The following SLC30A7 variants were observed in gnomAD, a reference collection of about 807,000 sequenced individuals.
SLC30A7 encodes the protein zinc transporter 7.
SLC30A7 carries 35 observed loss-of-function variants against 46.0 expected under a neutral mutation model. The observed-to-expected ratio is 0.76, with a 90% CI of 0.58 to 1.01. The LOEUF is 1.01. Ranked by LOEUF, SLC30A7 falls within the 50% of genes least tolerant of loss-of-function variation. SLC30A7 has a pLI of 0.00. For synonymous variants in SLC30A7, 147 were observed against 157.8 expected (o/e 0.93, Z 0.51); for missense variants, 464 against 451.1 (o/e 1.03, Z -0.26).
intron 8 of SLC30A7, chr1:100,941,322 C>T: frequency 2.6e-6 from 1 of 381,624 alleles, no homozygotes; most frequent in East Asian, 6.3e-5. Context: ...CCACCACAAC[C>T]AAAATTGCCA....
intron 8 of SLC30A7, chr1:100,940,958 G>A: frequency 2.6e-6 from 1 of 388,624 alleles, no homozygotes; most frequent in South Asian, 2.0e-5. Context: ...GTAACCTGTA[G>A]TTTCCCTGTC....
chr1:100,930,070 G>T (rs2101043739), intron 8 of SLC30A7, among the ~76,000 whole-genome samples: 1 of 152,082 alleles, frequency 6.6e-6, no homozygotes, highest in Non-Finnish European at 1.5e-5. Flanking sequence ...GGTTACCTAT[G>T]CATGATGGAT....
intron 7 of SLC30A7, among the ~76,000 whole-genome samples, chr1:100,918,874 T>A (rs1208652302): frequency 6.6e-6 from 1 of 152,166 alleles, no homozygotes; most frequent in Non-Finnish European, 1.5e-5. Flanking sequence ...TCATAGCACA[T>A]TATTGCCAGC....
intron 5 of SLC30A7, among the ~76,000 whole-genome samples, chr1:100,912,724 A>C (rs866883397): frequency 2.0e-4 from 30 of 151,984 alleles, no homozygotes; most frequent in South Asian, 8.3e-4. Context: ...CAAAAAAAAA[A>C]CAAAAAAAAC....
At chr1:100,987,643 C>T in the SLC30A7 span, among the ~76,000 whole-genome samples, 4 of 149,038 alleles carry the variant, frequency 2.7e-5, no homozygotes, top group Admixed American at 2.0e-4. Context: ...AGTTTATGTT[C>T]GGATTTTTTT....
intron 10 of SLC30A7, among the ~76,000 whole-genome samples, chr1:100,971,829 C>T (rs747337311): frequency 5.3e-5 from 8 of 152,014 alleles, no homozygotes; most frequent in Non-Finnish European, 1.0e-4. Context: ...TATGTACAGT[C>T]GAAATAATTT....
chr1:100,909,416 G>A (rs1283907505), intron 3 of SLC30A7, among the ~76,000 whole-genome samples: 4 of 152,008 alleles, frequency 2.6e-5, no homozygotes, highest in African/African-American at 9.7e-5. Flanking sequence ...CATCCAGTAG[G>A]TAGATAGATA....
chr1:100,896,257 GAGA>G lies in SLC30A7; in HGVS notation c.-2_1del, dbSNP rs976431646. 3.7e-6 allele frequency: 6 copies of G among 1,614,102 alleles called. No homozygotes were observed. The highest frequency in any genetic ancestry group is 2.7e-5 in the African/African-American group (2 of 74,954). On this transcript the variant is annotated 5_prime_UTR_variant, in exon 1 of 11. Coordinates refer to ENST00000357650, the MANE Select transcript of SLC30A7 (RefSeq NM_133496.5). ...AGTAGACCCGGCCCTTCGCCGGGCA[GAGA>G]AGATGTTGCCCCTGTCCATCAAAGA...
chr1:100,990,802 C>CCCTAATAA, the SLC30A7 span, among the ~76,000 whole-genome samples: 6 of 152,326 alleles, frequency 3.9e-5, no homozygotes, highest in East Asian at 1.2e-3. Context: ...TTTTCTAAAT[C>CCCTAATAA]ATTTGTATTA....
At chr1:100,960,549 G>A (rs1244305565) in intron 8 of SLC30A7, among the ~76,000 whole-genome samples, 1 of 152,102 alleles carries the variant, frequency 6.6e-6, no homozygotes, top group African/African-American at 2.4e-5. Context: ...AATAACACCA[G>A]TCCTGAAAGT....
chr1:100,967,404 G>GC (rs1037765469), intron 10 of SLC30A7, among the ~76,000 whole-genome samples: 4 of 152,056 alleles, frequency 2.6e-5, no homozygotes, highest in African/African-American at 9.7e-5. Flanking sequence ...AGAATCTAAT[G>GC]CCACAGTTCA....
intron 8 of SLC30A7, 109 bp downstream of exon 8, chr1:100,921,950 C>CT (rs11166531): frequency 0.063 from 25,068 of 396,226 alleles, 210 homozygotes; most frequent in African/African-American, 0.076. Context: ...CCTTTGCTTG[C>CT]TTTTTTTTTT....
intron 9 of SLC30A7, among the ~76,000 whole-genome samples, chr1:100,964,925 C>T (rs1284310656): frequency 2.0e-5 from 3 of 152,206 alleles, no homozygotes; most frequent in East Asian, 1.9e-4. Flanking sequence ...TAGATACTAT[C>T]TCAGTTTCCT....
At chr1:100,971,040 A>G (rs1026980252) in intron 10 of SLC30A7, among the ~76,000 whole-genome samples, 5 of 152,060 alleles carry the variant, frequency 3.3e-5, no homozygotes, top group African/African-American at 9.7e-5. Flanking sequence ...TGTGCCTGAT[A>G]AGTCCTAAGC....
At chr1:100,902,876 T>G (rs1286813840) in intron 2 of SLC30A7, among the ~76,000 whole-genome samples, 1 of 152,182 alleles carries the variant, frequency 6.6e-6, no homozygotes, top group Non-Finnish European at 1.5e-5. Flanking sequence ...AGGTTAGGAC[T>G]TCAACATATG....
intron 8 of SLC30A7, among the ~76,000 whole-genome samples, chr1:100,931,430 T>C (rs1038076679): frequency 6.6e-6 from 1 of 152,200 alleles, no homozygotes; most frequent in African/African-American, 2.4e-5. Flanking sequence ...TTGTAACTGC[T>C]AGTATTAGAG....
chr1:100,982,835 C>T (rs1657027619), downstream of SLC30A7, among the ~76,000 whole-genome samples: 1 of 152,178 alleles, frequency 6.6e-6, no homozygotes, highest in Non-Finnish European at 1.5e-5. Context: ...CTCTGCATAC[C>T]TGCTAGATTG....
chr1:100,935,462 G>T (rs1054486941), intron 8 of SLC30A7, among the ~76,000 whole-genome samples: 1 of 152,186 alleles, frequency 6.6e-6, no homozygotes, highest in African/African-American at 2.4e-5. Flanking sequence ...ATTTTATGAA[G>T]CAGAGTGGTT....
At chr1:100,965,143 T>G (rs902917536) in intron 9 of SLC30A7, among the ~76,000 whole-genome samples, 2 of 152,204 alleles carry the variant, frequency 1.3e-5, no homozygotes, top group African/African-American at 4.8e-5. Context: ...TGCCATCAAG[T>G]TGGTATTACA....
Sources: gnomAD v4.1 joint callset for allele counts (sites outside exome capture counted in the v4.1 genomes callset) on GRCh38, gnomAD v4.1.1 for gene constraint, MANE v1.5 for transcripts, NCBI Gene and HGNC (gene_info 2026-07-23, HGNC 2026-07-21) for gene names.